HEATR4: variants seen among roughly 807,000 people sequenced by gnomAD.
The protein encoded by HEATR4 is HEAT repeat containing 4.
Under a neutral mutation model 108.8 loss-of-function variants are expected in HEATR4, and 95 were observed. The ratio of observed to expected loss-of-function variants is 0.87; its 90% CI spans 0.74 to 1.04. The LOEUF is 1.04. Among genes scored for constraint, HEATR4 ranks in the 50% least tolerant of loss-of-function variants. The pLI is 0.00. For synonymous variants in HEATR4, 443 were observed against 459.4 expected (o/e 0.96, Z 0.46); for missense variants, 1,152 against 1,253.8 (o/e 0.92, Z 1.23).
chr14:73,508,287 A>T lies in HEATR4; in HGVS notation c.1728T>A (p.Ser576Arg). ...ACTGAGCTGCAGCCCAGCTATCCAC[A>T]CTGTTACCTGCCACAGTTGGGTGAA... Reference protein sequence around the residue: ...IMQTALLKGNSVDSWAAAQCL... With the variant: ...IMQTALLKGNRVDSWAAAQCL... The change falls in exon 9 of 18, where the codon AGT (serine) becomes AGA (arginine). Residue 576 changes from serine (S) to arginine (R), a missense_variant. Coordinates refer to ENST00000553558, the MANE Select transcript of HEATR4 (RefSeq NM_001220484.1). The T allele has an allele frequency of 6.2e-7, 1 of 1,613,442 alleles. No homozygotes were observed. Among genetic ancestry groups the T allele is most frequent in the Middle Eastern group, 1.7e-4 (1 of 5,776 alleles).
In HEATR4 at chr14:73,500,556, G is replaced by A. The variant is rs1410145258; in HGVS notation, c.2280C>T (p.Asp760=). The change falls in exon 12 of 18, where the codon GAC becomes GAT. Residue 760 remains aspartate (D), a synonymous_variant. Transcript: ENST00000553558. ...CLAAGALQIR[D]KMVLECLLNL... Reference sequence around the variant, plus strand: ...ATATGTTTCCCTGACTCACCATCTTGTCGCGGATCTGCAGGGCACCAGCTG... The same window carrying A: ...ATATGTTTCCCTGACTCACCATCTTATCGCGGATCTGCAGGGCACCAGCTG... 6.2e-7 allele frequency: 1 copy of A among 1,612,730 alleles called. No homozygotes were observed. The highest frequency in any genetic ancestry group is 1.7e-5 in the Admixed American group (1 of 59,988).
chr14:73,580,490 G>A, the HEATR4 span, among the ~76,000 whole-genome samples: 1 of 151,974 alleles, frequency 6.6e-6, no homozygotes, highest in Non-Finnish European at 1.5e-5. Context: ...AGAAGTGAGT[G>A]TAGTTATTTG....
chr14:73,495,159 A>C, intron 16 of HEATR4, 69 bp downstream of exon 16: 1 of 1,446,134 alleles, frequency 6.9e-7, no homozygotes. Flanking sequence ...CTAAGTCCCA[A>C]AACATCCAGA....
Position 73,522,779 on chromosome 14 carries a change from G to A in HEATR4, c.374C>T (p.Ser125Leu). The change falls in exon 3 of 18, where the codon TCA becomes TTA. Residue 125 changes from serine (S) to leucine (L), a missense_variant. Transcript: ENST00000553558. Reference protein sequence around the residue: ...KPVSFKFLGSSSPLTGDTSLA... With the variant: ...KPVSFKFLGSLSPLTGDTSLA... Reference sequence around the variant, plus strand: ...GGAGGTGTCTCCTGTTAAGGGACTTGAGGAACCCAGGAACTTGAAGCTAAC... The same window carrying A: ...GGAGGTGTCTCCTGTTAAGGGACTTAAGGAACCCAGGAACTTGAAGCTAAC... 6.2e-7 allele frequency: 1 copy of A among 1,614,190 alleles called. No individual in the cohort carries two copies. The highest frequency in any genetic ancestry group is 8.5e-7 in the Non-Finnish European group (1 of 1,180,036).
intron 17 of HEATR4, chr14:73,490,946 G>A (rs1051869241): frequency 7.8e-7 from 1 of 1,281,034 alleles, no homozygotes; most frequent in Non-Finnish European, 9.9e-7. Flanking sequence ...GTGCACCGCA[G>A]CCGCTGCATT....
intron 9 of HEATR4, among the ~76,000 whole-genome samples, chr14:73,506,825 T>C (rs1458386615): frequency 4.8e-5 from 6 of 126,202 alleles, no homozygotes; most frequent in South Asian, 2.4e-4. Flanking sequence ...TTTTTTTTTT[T>C]CTGAGAAGGT....
chr14:73,607,945 G>T, the HEATR4 span, among the ~76,000 whole-genome samples: 2 of 149,566 alleles, frequency 1.3e-5, no homozygotes, highest in African/African-American at 5.0e-5. Flanking sequence ...TTTCTTTTGA[G>T]ATAGAGTCTT....
intron 7 of HEATR4, among the ~76,000 whole-genome samples, chr14:73,509,866 A>G (rs184282214): frequency 1.5e-5 from 1 of 67,524 alleles, no homozygotes; most frequent in African/African-American, 6.3e-5. Flanking sequence ...ATATATATAT[A>G]TATTTATTTA....
the HEATR4 span, among the ~76,000 whole-genome samples, chr14:73,589,994 C>T: frequency 6.6e-6 from 1 of 152,184 alleles, no homozygotes. Flanking sequence ...CGGACCTTCG[C>T]AATGAGTGTT....
chr14:73,592,047 C>A, the HEATR4 span: 4 of 1,470,032 alleles, frequency 2.7e-6, no homozygotes, highest in Non-Finnish European at 3.6e-6. Flanking sequence ...GGCCCCGGAG[C>A]AGCGGGTTAC....
At chr14:73,572,639 ATTTTTTTTTTTT>A in the HEATR4 span, among the ~76,000 whole-genome samples, 25 of 107,200 alleles carry the variant, frequency 2.3e-4, no homozygotes, top group East Asian at 1.6e-3. Context: ...AGGTGTTTGC[ATTTTTTTTTTTT>A]TTTTTTTTTT....
chr14:73,504,137 G>C (rs1477101701), intron 10 of HEATR4, among the ~76,000 whole-genome samples: 1 of 150,830 alleles, frequency 6.6e-6, no homozygotes, highest in African/African-American at 2.4e-5. Flanking sequence ...GAGTGCAATG[G>C]CACGATCTCG....
intron 3 of HEATR4, among the ~76,000 whole-genome samples, chr14:73,521,672 G>C (rs1294602543): frequency 6.6e-6 from 1 of 152,188 alleles, no homozygotes; most frequent in Non-Finnish European, 1.5e-5. Flanking sequence ...AGCAATCTAA[G>C]AAACATGTAG....
intron 12 of HEATR4, 90 bp from the exon 13 acceptor site, chr14:73,499,230 C>T (rs1024390904): frequency 3.2e-5 from 37 of 1,161,488 alleles, no homozygotes; most frequent in Non-Finnish European, 4.7e-5. Context: ...CCTGTAATCC[C>T]AGCATTTTGG....
At position 73,522,439 on chromosome 14, in the gene HEATR4, G is replaced by A; in HGVS notation, c.714C>T (p.Arg238=). The A allele has an allele frequency of 1.2e-6, 2 of 1,614,240 alleles. No individual in the cohort carries two copies. Among genetic ancestry groups the A allele is most frequent in the Non-Finnish European group, 1.7e-6 (2 of 1,180,050 alleles). ...GAATGTGACTCCAGTCGTACTGCTG[G>A]CGCAGGAAGCTCTGCCACTTGTTGG... ...ASPNKWQSFL[R]QQYDWSHIRD... The change falls in exon 3 of 18, where the codon CGC becomes CGT. Residue 238 remains arginine, a synonymous_variant. Transcript: ENST00000553558.
the HEATR4 span, among the ~76,000 whole-genome samples, chr14:73,621,164 G>A: frequency 1.3e-5 from 2 of 152,120 alleles, no homozygotes; most frequent in African/African-American, 4.8e-5. Flanking sequence ...AGTGAGCCGA[G>A]ATCGCGCCAC....
In HEATR4 at chr14:73,522,278, T is replaced by G. The variant is rs147370028; in HGVS notation, c.875A>C (p.Tyr292Ser). The change falls in exon 3 of 18, where the codon TAC becomes TCC. Residue 292 changes from tyrosine (Y) to serine (S), a missense_variant. Coordinates refer to ENST00000553558, the MANE Select transcript of HEATR4 (RefSeq NM_001220484.1). ...KKKPELLLPV[Y>S]YRLPSYFQQA... ...GAGGCCCTGGCCAGTATACCTGTAG[T>G]AAACGGGAAGCAGCAGTTCTGGCTT... 9 of 1,613,608 alleles carry G rather than the reference T, an allele frequency of 5.6e-6. No homozygotes were observed. The highest frequency in any genetic ancestry group is 7.6e-6 in the Non-Finnish European group (9 of 1,179,830).
At chr14:73,566,867 C>G in the HEATR4 span, among the ~76,000 whole-genome samples, 10 of 152,278 alleles carry the variant, frequency 6.6e-5, no homozygotes, top group East Asian at 1.9e-3. Flanking sequence ...GCTGCCAGCA[C>G]GCTGTCACCT....
the HEATR4 span, among the ~76,000 whole-genome samples, chr14:73,617,789 T>C: frequency 6.6e-6 from 1 of 152,200 alleles, no homozygotes; most frequent in Non-Finnish European, 1.5e-5. Flanking sequence ...TTGTTGGGTA[T>C]GATAATGGTA....
Sources: gnomAD v4.1 joint callset for allele counts (sites outside exome capture counted in the v4.1 genomes callset) on GRCh38, gnomAD v4.1.1 for gene constraint, MANE v1.5 for transcripts, NCBI Gene and HGNC (gene_info 2026-07-23, HGNC 2026-07-21) for gene names.